The following ADAMTSL1 variants were observed in gnomAD, a reference collection of about 807,000 sequenced individuals.
The protein encoded by ADAMTSL1 is ADAMTS like 1, also known as ADAMTS-like protein 1.
Under a neutral mutation model 201.8 loss-of-function variants are expected in ADAMTSL1, and 126 were observed. The observed-to-expected ratio is 0.62, with a 90% CI of 0.54 to 0.72. The LOEUF (loss-of-function observed/expected upper bound fraction) is 0.72. ADAMTSL1 is among the 30% of genes least tolerant of loss of function. The pLI is 0.00. For synonymous variants in ADAMTSL1, 1,121 were observed against 903.4 expected (o/e 1.24, Z -4.32); for missense variants, 2,679 against 2,277.8 (o/e 1.18, Z -3.59).
At chr9:18,359,818 T>TC (rs1187779796) in intron 2 of ADAMTSL1, among the ~76,000 whole-genome samples, 51 of 42,620 alleles carry the variant, frequency 1.2e-3, no homozygotes, top group African/African-American at 3.2e-3. Context: ...ATGCCCCACC[T>TC]CCCCACCCGC....
intron 2 of ADAMTSL1, among the ~76,000 whole-genome samples, chr9:18,372,427 A>G (rs552801835): frequency 4.0e-4 from 61 of 152,298 alleles, no homozygotes; most frequent in African/African-American, 1.4e-3. Flanking sequence ...TTTGATTGCC[A>G]TGACCACCTT....
Position 18,575,121 on chromosome 9 carries a change from C to T in ADAMTSL1, c.474+855C>T, listed in dbSNP as rs62548410. On this transcript the variant is annotated intron_variant, in intron 4 of 28. Coordinates refer to ENST00000380548, the MANE Select transcript of ADAMTSL1 (RefSeq NM_001040272.6). ...TCTCTCTTCAGAATGTATAATATCA[C>T]GGCTAGGAATGTAAGAGAAATATAT... 1.1e-4 allele frequency among the ~76,000 whole-genome samples: 16 copies of T among 152,188 alleles called. No homozygotes were observed. In the East Asian group the frequency reaches 1.4e-3, roughly 13 times the overall value.
intron 2 of ADAMTSL1, among the ~76,000 whole-genome samples, chr9:18,445,674 G>C (rs922479379): frequency 1.3e-5 from 2 of 152,082 alleles, no homozygotes; most frequent in African/African-American, 4.8e-5. Context: ...GAAAGTATTT[G>C]ATTCCCTACT....
chr9:18,219,341 ATTTT>A (rs1310192825), intron 2 of ADAMTSL1, among the ~76,000 whole-genome samples: 12 of 142,102 alleles, frequency 8.4e-5, no homozygotes, highest in Admixed American at 3.6e-4. Flanking sequence ...TTTACATTTT[ATTTT>A]TATTTATTTA....
At chr9:18,684,682 T>A in intron 12 of ADAMTSL1, 34 bp from the exon 13 acceptor site, 1 of 1,604,740 alleles carries the variant, frequency 6.2e-7, no homozygotes. Flanking sequence ...GGTTCTAACC[T>A]CTTCTTTTGT....
chr9:18,314,752 T>A (rs1263635490), intron 2 of ADAMTSL1, among the ~76,000 whole-genome samples: 1 of 139,212 alleles, frequency 7.2e-6, no homozygotes, highest in African/African-American at 2.7e-5. Context: ...GGGACCCCAG[T>A]GGGTTGCCAC....
At chr9:18,483,765 T>C (rs1362577107) in intron 1 of ADAMTSL1, among the ~76,000 whole-genome samples, 1 of 152,148 alleles carries the variant, frequency 6.6e-6, no homozygotes, top group Non-Finnish European at 1.5e-5. Context: ...AGGCGGAGCT[T>C]GCAGTGAGCC....
At chr9:17,976,444 C>A (rs1290637641) in intron 1 of ADAMTSL1, among the ~76,000 whole-genome samples, 5 of 151,586 alleles carry the variant, frequency 3.3e-5, no homozygotes. Context: ...CTTTCACCTC[C>A]TTGCTTAAAT....
At chr9:18,662,589 T>C (rs546007136) in intron 9 of ADAMTSL1, among the ~76,000 whole-genome samples, 1 of 152,268 alleles carries the variant, frequency 6.6e-6, no homozygotes, top group East Asian at 1.9e-4. Context: ...ACATACTCAG[T>C]CTTTGCTAAA....
chr9:18,226,810 A>G (rs987580574), intron 2 of ADAMTSL1, among the ~76,000 whole-genome samples: 1 of 152,156 alleles, frequency 6.6e-6, no homozygotes, highest in Non-Finnish European at 1.5e-5. Context: ...ATTTTAATGA[A>G]TTTTAAAATC....
chr9:18,616,052 G>A (rs376262209), intron 4 of ADAMTSL1, among the ~76,000 whole-genome samples: 7 of 152,100 alleles, frequency 4.6e-5, no homozygotes, highest in African/African-American at 1.7e-4. Context: ...TGGAGACAAA[G>A]TCTCGTTCTG....
At chr9:17,919,854 G>C (rs1826238257) in intron 1 of ADAMTSL1, among the ~76,000 whole-genome samples, 1 of 152,056 alleles carries the variant, frequency 6.6e-6, no homozygotes, top group Non-Finnish European at 1.5e-5. Flanking sequence ...GTAATTGCTA[G>C]GTTAAATAGT....
chr9:18,474,090 C>CA, upstream of ADAMTSL1: 2 of 655,812 alleles, frequency 3.0e-6, no homozygotes, highest in Non-Finnish European at 2.6e-6. Context: ...CCACCCACCC[C>CA]TCGGTCAGGA....
intron 1 of ADAMTSL1, among the ~76,000 whole-genome samples, chr9:18,149,114 C>A (rs1341593814): frequency 1.3e-5 from 2 of 152,016 alleles, no homozygotes; most frequent in Non-Finnish European, 1.5e-5. Flanking sequence ...TGGAGAGTAG[C>A]TCCTCTGAGC....
intron 2 of ADAMTSL1, among the ~76,000 whole-genome samples, chr9:18,375,598 T>C (rs907965791): frequency 1.3e-5 from 2 of 152,190 alleles, no homozygotes; most frequent in African/African-American, 4.8e-5. Flanking sequence ...CCGGTGAGTT[T>C]GTGGTCTCGC....
chr9:17,994,481 A>G (rs1236003117), intron 1 of ADAMTSL1, among the ~76,000 whole-genome samples: 1 of 152,188 alleles, frequency 6.6e-6, no homozygotes, highest in Non-Finnish European at 1.5e-5. Context: ...TAAATGCTTC[A>G]GTGCCATTCA....
chr9:18,763,883 T>A (rs1445711816), intron 16 of ADAMTSL1, among the ~76,000 whole-genome samples: 1 of 152,214 alleles, frequency 6.6e-6, no homozygotes, highest in African/African-American at 2.4e-5. Flanking sequence ...TAGCTGGTAC[T>A]ATTGCTCTGT....
intron 2 of ADAMTSL1, among the ~76,000 whole-genome samples, chr9:18,195,998 C>T (rs1829160016): frequency 6.6e-6 from 1 of 152,026 alleles, no homozygotes; most frequent in Non-Finnish European, 1.5e-5. Flanking sequence ...ACAATTCATA[C>T]ATCACTTCCT....
intron 1 of ADAMTSL1, among the ~76,000 whole-genome samples, chr9:18,488,301 C>G: frequency 6.6e-6 from 1 of 152,262 alleles, no homozygotes; most frequent in African/African-American, 2.4e-5. Flanking sequence ...AATCTAGGGG[C>G]GCCTGTTTCC....
Sources: gnomAD v4.1 joint callset for allele counts (sites outside exome capture counted in the v4.1 genomes callset) on GRCh38, gnomAD v4.1.1 for gene constraint, MANE v1.5 for transcripts, NCBI Gene and HGNC (gene_info 2026-07-23, HGNC 2026-07-21) for gene names.